The following C6orf62 variants were observed in gnomAD, a reference collection of about 807,000 sequenced individuals.
C6orf62 encodes the protein uncharacterized protein C6orf62.
In C6orf62, 16 loss-of-function variants were observed where a neutral mutation model predicts 26.8. The ratio of observed to expected loss-of-function variants is 0.60; its 90% CI spans 0.40 to 0.91. C6orf62 has a LOEUF of 0.91. Among genes scored for constraint, C6orf62 ranks in the 40% least tolerant of loss-of-function variants. C6orf62 has a pLI of 0.00. For synonymous variants in C6orf62, 112 were observed against 91.5 expected (o/e 1.22, Z -1.28); for missense variants, 192 against 271.4 (o/e 0.71, Z 2.06).
At chr6:24,712,735 C>T (rs572489309) in intron 3 of C6orf62, among the ~76,000 whole-genome samples, 21 of 147,342 alleles carry the variant, frequency 1.4e-4, no homozygotes, top group African/African-American at 5.2e-4. Flanking sequence ...AGTCAACTCT[C>T]AATAAACATC....
intron 3 of C6orf62, among the ~76,000 whole-genome samples, chr6:24,713,714 T>A (rs922374090): frequency 6.6e-6 from 1 of 152,222 alleles, no homozygotes; most frequent in Non-Finnish European, 1.5e-5. Context: ...ATTAACACTT[T>A]GGTGGACCTC....
At chr6:24,718,397 T>C (rs1779279060) in intron 1 of C6orf62, 143 bp downstream of exon 1, 1 of 779,220 alleles carries the variant, frequency 1.3e-6, no homozygotes, top group South Asian at 1.9e-5. Context: ...GAATCACCCC[T>C]AAGGGTGAAA....
rs776750839 is a variant in C6orf62, at chr6:24,718,588, A to G, written c.81T>C (p.Ala27=). The G allele has an allele frequency of 6.2e-7, 1 of 1,614,030 alleles. No individual in the cohort carries two copies. The highest frequency in any genetic ancestry group is 1.7e-5 in the Admixed American group (1 of 59,994). The change falls in exon 1 of 5, where the codon GCT becomes GCC. Residue 27 remains alanine (A), a synonymous_variant. Transcript: ENST00000378119. ...AQLRKKKESL[A]DQFDFKMYIA... ...TATACATCTTGAAGTCAAACTGGTCAGCTAGAGATTCTTTTTTCTTTCTAA... is the reference window on the plus strand; with the variant it reads ...TATACATCTTGAAGTCAAACTGGTCGGCTAGAGATTCTTTTTTCTTTCTAA...
Position 24,718,649 on chromosome 6 carries a change from C to T in C6orf62, c.20G>A (p.Arg7Gln). Reference sequence around the variant, plus strand: ...TAGTCTGTTCAGAGCTTGTTTCTTCCGGGAGTTTGGGTCCCCCATTTTGAA... The same window carrying T: ...TAGTCTGTTCAGAGCTTGTTTCTTCTGGGAGTTTGGGTCCCCCATTTTGAA... Reference protein sequence around the residue: MGDPNSRKKQALNRLRA... With the variant: MGDPNSQKKQALNRLRA... Residue 7 changes from arginine to glutamine, a missense_variant, in exon 1 of 5, where the codon CGG becomes CAG. Coordinates refer to ENST00000378119, the MANE Select transcript of C6orf62 (RefSeq NM_030939.5). 6.2e-7 allele frequency: 1 copy of T among 1,613,820 alleles called. No homozygotes were observed. Among genetic ancestry groups the T allele is most frequent in the South Asian group, 1.1e-5 (1 of 91,042 alleles).
chr6:24,720,310 G>A (rs1469703342), upstream of C6orf62: 14 of 1,310,162 alleles, frequency 1.1e-5, no homozygotes, highest in Non-Finnish European at 1.3e-5. Flanking sequence ...GGGCGCTGCT[G>A]GTAGCACGGG....
intron 4 of C6orf62, 48 bp from the exon 5 acceptor site, chr6:24,706,310 G>GTA (rs1562166890): frequency 1.9e-6 from 3 of 1,601,602 alleles, no homozygotes; most frequent in East Asian, 4.5e-5. Context: ...AGACTTTAGC[G>GTA]TAACTGTCAC....
At chr6:24,708,685 G>A in intron 4 of C6orf62, 92 bp downstream of exon 4, 3 of 1,505,710 alleles carry the variant, frequency 2.0e-6, no homozygotes, top group Non-Finnish European at 2.7e-6. Context: ...GTGTTTGGGG[G>A]ACACAACAAT....
upstream of C6orf62, chr6:24,719,628 C>T: frequency 1.4e-6 from 2 of 1,433,262 alleles, no homozygotes. Flanking sequence ...GATTAATGCC[C>T]GGGTTCCCAA....
At chr6:24,719,812 C>A, upstream of C6orf62, 1 of 1,546,728 alleles carries the variant, frequency 6.5e-7, no homozygotes, top group South Asian at 1.2e-5. Flanking sequence ...TGCCTTCCAC[C>A]CCCGCAGGTC....
upstream of C6orf62, chr6:24,719,606 G>A (rs1462942689): frequency 1.4e-6 from 2 of 1,403,624 alleles, no homozygotes; most frequent in African/African-American, 1.5e-5. Flanking sequence ...TTCCGGCTCT[G>A]TGGTTAGACC....
chr6:24,711,257 A>C (rs373396534), intron 3 of C6orf62, among the ~76,000 whole-genome samples: 272 of 151,048 alleles, frequency 1.8e-3, no homozygotes, highest in African/African-American at 4.2e-3. Flanking sequence ...CACACACACA[A>C]ACACACACAC....
chr6:24,710,305 GC>G, intron 3 of C6orf62: 1 of 920,866 alleles, frequency 1.1e-6, no homozygotes, highest in Non-Finnish European at 1.3e-6. Flanking sequence ...CGCTCTTGTT[GC>G]CCAGGCTGGA....
At chr6:24,716,054 A>G (rs575659250) in intron 2 of C6orf62, 94 bp downstream of exon 2, 25 of 926,888 alleles carry the variant, frequency 2.7e-5, no homozygotes, top group African/African-American at 1.9e-4. Context: ...GGTCACTATC[A>G]TAACTATCCA....
chr6:24,708,939 A>G, intron 3 of C6orf62, 28 bp from the exon 4 acceptor site: 2 of 1,613,450 alleles, frequency 1.2e-6, no homozygotes, highest in Non-Finnish European at 1.7e-6. Flanking sequence ...CATTTATATT[A>G]AACTACAAAC....
chr6:24,706,398 C>T, intron 4 of C6orf62, 136 bp from the exon 5 acceptor site: 17 of 1,304,798 alleles, frequency 1.3e-5, no homozygotes, highest in East Asian at 5.2e-5. Flanking sequence ...TATCCATATT[C>T]TAGACAGACA....
At chr6:24,718,404 G>GA in intron 1 of C6orf62, 136 bp downstream of exon 1, 4 of 841,900 alleles carry the variant, frequency 4.8e-6, no homozygotes, top group African/African-American at 1.7e-5. Flanking sequence ...CCCTAAGGGT[G>GA]AAAAAACAGA....
rs1485717721 is a variant in C6orf62 at position 24,709,455 on chromosome 6, A to G, written c.430-544T>C. The G allele has an allele frequency of 1.1e-5, 11 of 981,762 alleles. No individual in the cohort carries two copies. The East Asian group carries it at 3.4e-4, about 30-fold the overall frequency. 60.8% of individuals were successfully genotyped at this position (981,762 alleles called of 1,614,324 possible). A position where few individuals can be genotyped will look rare whatever the true frequency, so the allele number is the denominator to read the frequency against. ...ATCTGTTTATTCTAACCCTAGCTGCACAACTCACTAGTTACGTGACCGTAT... is the reference window on the plus strand; with the variant it reads ...ATCTGTTTATTCTAACCCTAGCTGCGCAACTCACTAGTTACGTGACCGTAT... On this transcript the variant is annotated intron_variant, in intron 3 of 4. Coordinates refer to ENST00000378119, the MANE Select transcript of C6orf62 (RefSeq NM_030939.5).
chr6:24,715,658 C>T (rs1399326198), intron 2 of C6orf62, among the ~76,000 whole-genome samples: 5 of 152,042 alleles, frequency 3.3e-5, no homozygotes, highest in African/African-American at 1.2e-4. Flanking sequence ...ACCAGCCTAG[C>T]CAACATGGCA....
At chr6:24,709,802 G>C (rs1264357058) in intron 3 of C6orf62, 41 of 985,420 alleles carry the variant, frequency 4.2e-5, no homozygotes, top group Non-Finnish European at 4.8e-5. Context: ...GACATGACCA[G>C]GCTTGATGGA....
Sources: gnomAD v4.1 joint callset for allele counts (sites outside exome capture counted in the v4.1 genomes callset) on GRCh38, gnomAD v4.1.1 for gene constraint, MANE v1.5 for transcripts, NCBI Gene and HGNC (gene_info 2026-07-23, HGNC 2026-07-21) for gene names.